VPS13B: variants seen among roughly 807,000 people sequenced by gnomAD.
VPS13B encodes the protein vacuolar protein sorting 13 homolog B.
In VPS13B, 285 loss-of-function variants were observed where a neutral mutation model predicts 426.4. The observed-to-expected ratio is 0.67, with a 90% CI of 0.61 to 0.74. The LOEUF (loss-of-function observed/expected upper bound fraction) is 0.74, where lower values mean the gene tolerates loss of function less well. Among genes scored for constraint, VPS13B ranks in the 30% least tolerant of loss-of-function variants. VPS13B has a pLI of 0.00. For synonymous variants in VPS13B, 1,676 were observed against 1,676.4 expected (o/e 1.00, Z 0.01); for missense variants, 4,537 against 4,782.6 (o/e 0.95, Z 1.51).
At chr8:99,406,365 T>G (rs1815332458) in intron 21 of VPS13B, among the ~76,000 whole-genome samples, 1 of 152,212 alleles carries the variant, frequency 6.6e-6, no homozygotes, top group African/African-American at 2.4e-5. Flanking sequence ...ATGAATGAAT[T>G]AACCTTTTTG....
chr8:99,055,318 G>T (rs185483437), intron 3 of VPS13B, among the ~76,000 whole-genome samples: 7 of 152,212 alleles, frequency 4.6e-5, no homozygotes, highest in African/African-American at 1.7e-4. Flanking sequence ...GTGATTACAG[G>T]CGTGAGCCAC....
Position 99,584,720 on chromosome 8 carries a change from C to CAATG in VPS13B, c.5220+7089_5220+7092dup, listed in dbSNP as rs1365328298. ...AAGAGAAGGCTTTAGGCCAGGTGAT[C>CAATG]AATGATCTAGCTTCATGGAGAAGTG... On this transcript the variant is annotated intron_variant, in intron 33 of 61. Transcript: ENST00000357162. Among the ~76,000 whole-genome samples the CAATG allele has an allele frequency of 2.0e-5, 3 of 152,076 alleles. No homozygotes were observed. In the East Asian group the frequency reaches 5.8e-4, roughly 29 times the overall value.
In VPS13B at chr8:99,144,563, T is replaced by C. The variant is rs893141178; in HGVS notation, c.1843+1398T>C. 2.0e-5 allele frequency among the ~76,000 whole-genome samples: 3 copies of C among 152,220 alleles called. No individual in the cohort carries two copies. In the East Asian group the frequency reaches 5.8e-4, roughly 29 times the overall value. On this transcript the variant is annotated intron_variant, in intron 13 of 61. Coordinates refer to ENST00000357162, the MANE Select transcript of VPS13B (RefSeq NM_152564.5). ...TACTTTTGTCCCAGCAACTTTACTG[T>C]TACCTTAAATGATACACTGATAGGA...
intron 14 of VPS13B, among the ~76,000 whole-genome samples, chr8:99,153,340 T>A (rs1042941175): frequency 6.6e-6 from 1 of 152,240 alleles, no homozygotes; most frequent in Non-Finnish European, 1.5e-5. Flanking sequence ...ACCATACTTC[T>A]TGCTATTTTC....
intron 43 of VPS13B, among the ~76,000 whole-genome samples, chr8:99,803,697 T>C (rs1813247949): frequency 6.6e-6 from 1 of 152,240 alleles, no homozygotes; most frequent in African/African-American, 2.4e-5. Flanking sequence ...TTGAACATCC[T>C]GAAATTCAAA....
At chr8:99,360,150 CTT>C (rs1206215955) in intron 19 of VPS13B, among the ~76,000 whole-genome samples, 3 of 31,974 alleles carry the variant, frequency 9.4e-5, no homozygotes, top group African/African-American at 4.6e-4. Context: ...TTCTTTCTTT[CTT>C]TCTTTCTTTC....
intron 20 of VPS13B, among the ~76,000 whole-genome samples, chr8:99,390,741 C>T (rs1263611275): frequency 3.3e-5 from 5 of 152,242 alleles, no homozygotes; most frequent in Non-Finnish European, 5.9e-5. Flanking sequence ...GTGGCTAAAA[C>T]GCAACGTTTG....
chr8:99,743,796 C>T (rs1469843143), intron 39 of VPS13B, among the ~76,000 whole-genome samples: 1 of 152,106 alleles, frequency 6.6e-6, no homozygotes, highest in Non-Finnish European at 1.5e-5. Context: ...AAACTCAATC[C>T]CTTCCTTACA....
chr8:99,306,843 A>G (rs534322982), intron 19 of VPS13B, among the ~76,000 whole-genome samples: 10 of 152,236 alleles, frequency 6.6e-5, no homozygotes, highest in African/African-American at 2.2e-4. Context: ...AGTGAATTAC[A>G]GAAGAGTCAT....
intron 3 of VPS13B, among the ~76,000 whole-genome samples, chr8:99,095,989 G>C (rs1262276253): frequency 6.6e-6 from 1 of 152,090 alleles, no homozygotes; most frequent in Admixed American, 6.5e-5. Flanking sequence ...GATGGATGTT[G>C]TTTAAAGGCT....
At chr8:99,729,797 T>C (rs1198866146) in intron 39 of VPS13B, among the ~76,000 whole-genome samples, 1 of 152,248 alleles carries the variant, frequency 6.6e-6, no homozygotes, top group Non-Finnish European at 1.5e-5. Flanking sequence ...GTGGGGTTTT[T>C]GTCTTTTTCA....
chr8:99,200,012 G>A (rs1188336031), intron 17 of VPS13B, among the ~76,000 whole-genome samples: 8 of 152,126 alleles, frequency 5.3e-5, no homozygotes, highest in Non-Finnish European at 1.5e-5. Context: ...CAGCATCCCT[G>A]AATGAATCCT....
intron 15 of VPS13B, among the ~76,000 whole-genome samples, chr8:99,163,459 G>T (rs999914823): frequency 1.3e-5 from 2 of 152,216 alleles, no homozygotes; most frequent in East Asian, 3.9e-4. Context: ...GGTGGTGCTC[G>T]TTGGGGAGGC....
chr8:99,707,030 T>C (rs1832524886), intron 36 of VPS13B, among the ~76,000 whole-genome samples: 1 of 152,162 alleles, frequency 6.6e-6, no homozygotes. Flanking sequence ...TTTTACTCCC[T>C]GGTTGGTCCC....
intron 3 of VPS13B, 143 bp downstream of exon 3, chr8:99,038,709 A>C: frequency 1.8e-6 from 1 of 563,610 alleles, no homozygotes; most frequent in Non-Finnish European, 2.6e-6. Flanking sequence ...TTTTTTTGAG[A>C]TAGAGTCTTG....
At chr8:99,652,579 A>G (rs1018615482) in intron 34 of VPS13B, among the ~76,000 whole-genome samples, 3 of 151,980 alleles carry the variant, frequency 2.0e-5, no homozygotes, top group Admixed American at 6.6e-5. Flanking sequence ...CATGAATAGG[A>G]CTGTAGAAAT....
chr8:99,326,230 T>C (rs1302813601), intron 19 of VPS13B, among the ~76,000 whole-genome samples: 1 of 152,148 alleles, frequency 6.6e-6, no homozygotes, highest in Non-Finnish European at 1.5e-5. Context: ...AACAGGCATG[T>C]GCGACAGGTA....
intron 40 of VPS13B, among the ~76,000 whole-genome samples, chr8:99,774,584 G>A (rs1014101032): frequency 6.3e-4 from 96 of 152,260 alleles, no homozygotes; most frequent in African/African-American, 2.1e-3. Flanking sequence ...TGCTCAAACT[G>A]TGTACCCATT....
rs199852353 is a variant in VPS13B at position 99,111,318 on chromosome 8, T to C, written c.762+39T>C. 6.6e-6 allele frequency: 10 copies of C among 1,517,210 alleles called. No individual in the cohort carries two copies. In the Admixed American group the frequency reaches 1.2e-4, roughly 19 times the overall value. 94.0% of individuals were successfully genotyped at this position (1,517,210 alleles called of 1,614,324 possible). On this transcript the variant is annotated intron_variant, in intron 6 of 61. Transcript: ENST00000357162. ...TTTTTTGCAGTTAAGTTGCATGTCT[T>C]TATTTTGTTTATTGACTCTTGTGGA... is the stretch of plus-strand genomic sequence containing the variant.
Sources: allele counts gnomAD v4.1 joint callset (sites outside exome capture counted in the v4.1 genomes callset), GRCh38; gene constraint gnomAD v4.1.1; transcripts MANE v1.5; gene names NCBI Gene and HGNC (gene_info 2026-07-23, HGNC 2026-07-21).